Variants in FGD3 observed in about 807,000 individuals in gnomAD.
The protein encoded by FGD3 is FYVE, RhoGEF and PH domain containing 3.
A neutral mutation model predicts 71.8 loss-of-function variants in FGD3; 45 were observed. That is an observed-to-expected ratio of 0.63 (90% CI 0.49 to 0.80). FGD3 has a LOEUF of 0.80. Among genes scored for constraint, FGD3 ranks in the 30% least tolerant of loss-of-function variants. The probability of loss-of-function intolerance (pLI) is 0.00; values close to 1 mark genes in which losing one functional copy is unlikely to be tolerated. For missense variants in FGD3, 844 were observed against 951.5 expected (o/e 0.89, Z 1.49); for synonymous variants, 378 against 392.8 (o/e 0.96, Z 0.44).
chr9:92,952,192 AGT>A (rs891756591), intron 1 of FGD3, among the ~76,000 whole-genome samples: 5 of 151,782 alleles, frequency 3.3e-5, no homozygotes, highest in African/African-American at 1.2e-4. Flanking sequence ...TTTATTTTCA[AGT>A]ATGCAAAGGA....
rs946726395 is a variant in FGD3, at chr9:93,004,013, A to G, written c.556A>G (p.Arg186Gly). 1.9e-6 allele frequency: 3 copies of G among 1,614,064 alleles called. No individual in the cohort carries two copies. In the African/African-American group the frequency reaches 4.0e-5, roughly 22 times the overall value. Residue 186 changes from arginine to glycine, a missense_variant, in exon 5 of 18, where the codon AGG becomes GGG. Transcript: ENST00000375482. ...LHLLDQVFCT[R>G]LTDAGIPPEV... The stretch of plus-strand genomic sequence containing the variant: ...TCTCTATGCTCAGGTTTTCTGCACC[A>G]GGCTGACGGATGCGGGGATCCCTCC...
intron 3 of FGD3, among the ~76,000 whole-genome samples, chr9:92,994,804 G>A (rs902197191): frequency 3.3e-5 from 5 of 152,052 alleles, no homozygotes; most frequent in Admixed American, 6.5e-5. Flanking sequence ...TATTATTTCC[G>A]GGGGCTCTAT....
At chr9:92,949,516 T>C (rs1858914754) in intron 1 of FGD3, among the ~76,000 whole-genome samples, 1 of 152,168 alleles carries the variant, frequency 6.6e-6, no homozygotes, top group African/African-American at 2.4e-5. Context: ...GACTCAGTCC[T>C]GCAGCATCAG....
At chr9:93,012,701 G>C (rs1201407476) in intron 8 of FGD3, among the ~76,000 whole-genome samples, 2 of 140,992 alleles carry the variant, frequency 1.4e-5, no homozygotes, top group Non-Finnish European at 3.1e-5. Context: ...GTGTGGGGGG[G>C]GGAAGAATCA....
At chr9:92,977,402 C>T (rs1213826956) in intron 3 of FGD3, among the ~76,000 whole-genome samples, 2 of 152,072 alleles carry the variant, frequency 1.3e-5, no homozygotes, top group African/African-American at 4.8e-5. Flanking sequence ...ATGGGGGGCA[C>T]AGCTTGGGTA....
intron 2 of FGD3, 87 bp from the exon 3 acceptor site, chr9:92,976,121 T>G (rs1859742490): frequency 5.0e-6 from 4 of 802,458 alleles, no homozygotes. Flanking sequence ...CGGAGGGTAC[T>G]GCCTGGGAGC....
chr9:92,983,552 A>T (rs2118612506), intron 3 of FGD3, among the ~76,000 whole-genome samples: 1 of 152,334 alleles, frequency 6.6e-6, no homozygotes, highest in South Asian at 2.1e-4. Flanking sequence ...AAAAACAGTT[A>T]TCATTATTAG....
intron 6 of FGD3, among the ~76,000 whole-genome samples, chr9:93,007,794 G>C (rs943688750): frequency 2.0e-5 from 3 of 152,286 alleles, no homozygotes; most frequent in Admixed American, 6.5e-5. Flanking sequence ...AGGTGACTTT[G>C]CCCCCCGGGG....
intron 3 of FGD3, among the ~76,000 whole-genome samples, chr9:93,002,355 G>A (rs77574250): frequency 0.041 from 6,298 of 152,190 alleles, 169 homozygotes; most frequent in East Asian, 0.14. Context: ...AGGCTGAGGC[G>A]GGCAGATAGG....
At chr9:92,994,274 G>A (rs1860541617) in intron 3 of FGD3, among the ~76,000 whole-genome samples, 1 of 152,198 alleles carries the variant, frequency 6.6e-6, no homozygotes, top group Non-Finnish European at 1.5e-5. Flanking sequence ...CTTTTGAGAA[G>A]TGTCTGTTCA....
intron 1 of FGD3, among the ~76,000 whole-genome samples, chr9:92,965,894 T>C (rs1290639777): frequency 6.6e-6 from 1 of 152,180 alleles, no homozygotes; most frequent in East Asian, 1.9e-4. Flanking sequence ...AGGGCAGTGC[T>C]GGGCAGGTGT....
chr9:92,966,976 G>T (rs34405247), intron 1 of FGD3, among the ~76,000 whole-genome samples: 30 of 147,010 alleles, frequency 2.0e-4, no homozygotes, highest in South Asian at 6.4e-4. Context: ...TTTTTTTTTG[G>T]GGGGGGATGG....
intron 1 of FGD3, among the ~76,000 whole-genome samples, chr9:92,962,379 G>A (rs1273834494): frequency 6.6e-6 from 1 of 152,244 alleles, no homozygotes; most frequent in Non-Finnish European, 1.5e-5. Context: ...CTGTAGAGGA[G>A]AAGGCTGAAC....
At chr9:93,014,822 A>G (rs1420996945) in intron 9 of FGD3, among the ~76,000 whole-genome samples, 1 of 151,748 alleles carries the variant, frequency 6.6e-6, no homozygotes, top group Non-Finnish European at 1.5e-5. Flanking sequence ...TTGTATTTTT[A>G]GTAGAGATGG....
At chr9:93,011,100 A>G in intron 7 of FGD3, 114 bp from the exon 8 acceptor site, 1 of 1,098,896 alleles carries the variant, frequency 9.1e-7, no homozygotes, top group South Asian at 1.3e-5. Flanking sequence ...CACCCTGGGA[A>G]AGGCTGAGGG....
At chr9:92,978,049 G>C (rs145015046) in intron 3 of FGD3, among the ~76,000 whole-genome samples, 10,411 of 152,196 alleles carry the variant, frequency 0.068, 484 homozygotes, top group Non-Finnish European at 0.099. Flanking sequence ...TTGGGAGGCC[G>C]AGGTGGGTGG....
intron 11 of FGD3, among the ~76,000 whole-genome samples, chr9:93,018,650 C>T (rs552888082): frequency 6.6e-6 from 1 of 152,256 alleles, no homozygotes; most frequent in Non-Finnish European, 1.5e-5. Context: ...AAGGTGTTTT[C>T]TGAGGAAGGA....
In FGD3 at chr9:93,029,459, A is replaced by G. The variant is rs530086714; in HGVS notation, c.1558-415A>G. The stretch of plus-strand genomic sequence containing the variant: ...GCGGTGCCCAGTATAGAGCAGGCGC[A>G]TGGCCACACGGCTCCAGTTGCAGAC... On this transcript the variant is annotated intron_variant, in intron 14 of 17. Coordinates refer to ENST00000375482, the MANE Select transcript of FGD3 (RefSeq NM_001083536.2). Among the ~76,000 whole-genome samples, 538 of 152,326 alleles carry G rather than the reference A, an allele frequency of 3.5e-3. 1 individual carries two copies. The highest frequency in any genetic ancestry group is 5.5e-3 in the Admixed American group (84 of 15,310).
rs2118854528 is a variant in FGD3, at chr9:93,035,404, A to G, written c.1993A>G (p.Arg665Gly). 1.2e-6 allele frequency: 2 copies of G among 1,611,940 alleles called. No homozygotes were observed. The highest frequency in any genetic ancestry group is 8.5e-7 in the Non-Finnish European group (1 of 1,179,322). ...CKLSVPDPEE[R>G]LDSGHVWKLQ... ...ACTGAGTGTGCCGGACCCTGAGGAG[A>G]GGCTGGACTCGGGGCATGTGTGGAA... The change falls in exon 18 of 18, where the codon AGG (arginine) becomes GGG (glycine). Residue 665 changes from arginine to glycine, a missense_variant. By Grantham distance (125) the Arg-to-Gly change is moderately radical. Coordinates refer to ENST00000375482, the MANE Select transcript of FGD3 (RefSeq NM_001083536.2).
Sources: allele counts gnomAD v4.1 joint callset (sites outside exome capture counted in the v4.1 genomes callset), GRCh38; gene constraint gnomAD v4.1.1; transcripts MANE v1.5; gene names NCBI Gene and HGNC (gene_info 2026-07-23, HGNC 2026-07-21).